MTF1: variants seen among roughly 807,000 people sequenced by gnomAD.
MTF1 encodes metal regulatory transcription factor 1, also known as MRE-binding transcription factor.
Under a neutral mutation model 70.4 loss-of-function variants are expected in MTF1, and 22 were observed. The ratio of observed to expected loss-of-function variants is 0.31; its 90% CI spans 0.22 to 0.45. The LOEUF (loss-of-function observed/expected upper bound fraction) is 0.45. MTF1 is among the 20% of genes least tolerant of loss of function. The pLI is 1.00. For synonymous variants in MTF1, 333 were observed against 352.8 expected (o/e 0.94, Z 0.63); for missense variants, 649 against 922.0 (o/e 0.70, Z 3.83).
intron 7 of MTF1, among the ~76,000 whole-genome samples, chr1:37,824,886 A>G (rs951987383): frequency 6.6e-6 from 1 of 152,174 alleles, no homozygotes; most frequent in Non-Finnish European, 1.5e-5. Flanking sequence ...ATTAAAAACA[A>G]AAAGGTAAAA....
chr1:37,833,318 A>G (rs1641116778), intron 6 of MTF1, among the ~76,000 whole-genome samples: 1 of 152,182 alleles, frequency 6.6e-6, no homozygotes, highest in Non-Finnish European at 1.5e-5. Flanking sequence ...CAGAAGACAA[A>G]TCCAGTGCTT....
At position 37,814,941 on chromosome 1, in the gene MTF1, T is replaced by G. The variant is rs1640791963; in HGVS notation, c.*195A>C. The G allele has an allele frequency of 3.6e-6, 2 of 561,328 alleles. No individual in the cohort carries two copies. Among genetic ancestry groups the G allele is most frequent in the Non-Finnish European group, 6.2e-6 (2 of 323,442 alleles). 34.8% of individuals were successfully genotyped at this position (561,328 alleles called of 1,614,324 possible). On this transcript the variant is annotated 3_prime_UTR_variant, in exon 11 of 11. Transcript: ENST00000373036. Reference sequence around the variant, plus strand: ...TAGCTTTTTTTGTTGTTTTTTTTGTTTTTTGTTTTTTTCCAAAGAATAGTT... The same window carrying G: ...TAGCTTTTTTTGTTGTTTTTTTTGTGTTTTGTTTTTTTCCAAAGAATAGTT...
At chr1:37,834,826 G>A (rs112205044) in intron 6 of MTF1, among the ~76,000 whole-genome samples, 2 of 152,314 alleles carry the variant, frequency 1.3e-5, no homozygotes, top group African/African-American at 2.4e-5. Flanking sequence ...AACCAGAGCC[G>A]CCATTTACCA....
At chr1:37,838,525 T>G (rs749467503) in intron 4 of MTF1, 100 bp downstream of exon 4, 122 of 1,006,838 alleles carry the variant, frequency 1.2e-4, no homozygotes, top group Admixed American at 2.6e-4. Context: ...AATCAAGAGC[T>G]AGTAAAGGGA....
chr1:37,826,745 G>A (rs1172253861), intron 7 of MTF1, among the ~76,000 whole-genome samples: 2 of 152,044 alleles, frequency 1.3e-5, no homozygotes, highest in Admixed American at 6.6e-5. Flanking sequence ...GTGTGGGGCC[G>A]AGGCAGGCAG....
chr1:37,829,124 CT>C (rs34618286), intron 7 of MTF1, among the ~76,000 whole-genome samples: 71,513 of 146,494 alleles, frequency 0.49, 18,321 homozygotes, highest in Non-Finnish European at 0.58. Flanking sequence ...TCTTTTTTTT[CT>C]TTTTTTTTTT....
At position 37,817,493 on chromosome 1, in the gene MTF1, A is replaced by C; in HGVS notation, c.1768-11T>G. 1 of 1,604,136 alleles carries C rather than the reference A, an allele frequency of 6.2e-7. No homozygotes were observed. The highest frequency in any genetic ancestry group is 8.5e-7 in the Non-Finnish European group (1 of 1,171,006). ...TTTAGATGCTTGCTGCTGAAAAAAG[A>C]AAAAGAAATCTCATTTATAGCCACT... On this transcript the variant is annotated splice_polypyrimidine_tract_variant and intron_variant, in intron 9 of 10. Transcript: ENST00000373036.
chr1:37,817,320 A>G (rs1455726716), intron 10 of MTF1, 99 bp downstream of exon 10: 2 of 776,168 alleles, frequency 2.6e-6, no homozygotes, highest in African/African-American at 1.7e-5. Flanking sequence ...CTGTTTAAAG[A>G]TTTTTAAAGT....
At chr1:37,838,844 GC>G in intron 3 of MTF1, 88 bp from the exon 4 acceptor site, 1 of 1,020,554 alleles carries the variant, frequency 9.8e-7, no homozygotes, top group Non-Finnish European at 1.3e-6. Flanking sequence ...CGCTCTTGTC[GC>G]CCAGGCTGGA....
chr1:37,834,700 A>T (rs963906299), intron 6 of MTF1: 5 of 465,422 alleles, frequency 1.1e-5, no homozygotes, highest in Admixed American at 2.3e-5. Context: ...AGAAGAAGTG[A>T]TGGGATTCTA....
intron 7 of MTF1, among the ~76,000 whole-genome samples, chr1:37,829,598 T>C (rs1641055381): frequency 6.6e-6 from 1 of 151,986 alleles, no homozygotes; most frequent in Non-Finnish European, 1.5e-5. Flanking sequence ...CTGGCTAGCA[T>C]GGTGAAACCC....
At chr1:37,832,164 G>A in intron 7 of MTF1, 81 bp downstream of exon 7, 2 of 883,208 alleles carry the variant, frequency 2.3e-6, no homozygotes, top group African/African-American at 1.7e-5. Flanking sequence ...TCAAAGACTG[G>A]CCTGCCTCAA....
chr1:37,851,279 G>C lies in MTF1; in HGVS notation c.408+5972C>G, dbSNP rs144025184. 1.1e-4 allele frequency among the ~76,000 whole-genome samples: 16 copies of C among 152,316 alleles called. No homozygotes were observed. In the East Asian group the frequency reaches 2.9e-3, roughly 28 times the overall value. ...GGATAGCATGGAAAAATGTGGGTGA[G>C]AGGAAAGTGGAGTGAGCTAAATCCC... On this transcript the variant is annotated intron_variant, in intron 2 of 10. Transcript: ENST00000373036.
At chr1:37,856,586 G>T (rs1160935630) in intron 2 of MTF1, among the ~76,000 whole-genome samples, 2 of 146,764 alleles carry the variant, frequency 1.4e-5, no homozygotes, top group African/African-American at 5.1e-5. Context: ...TGCAACCTCT[G>T]CCTCCCGGGT....
chr1:37,821,303 C>G (rs1640906419), intron 9 of MTF1, among the ~76,000 whole-genome samples: 1 of 151,974 alleles, frequency 6.6e-6, no homozygotes, highest in East Asian at 1.9e-4. Flanking sequence ...ATAACTGACA[C>G]ATTGCAGATC....
chr1:37,830,893 C>A (rs973173717), intron 7 of MTF1, among the ~76,000 whole-genome samples: 10 of 152,188 alleles, frequency 6.6e-5, no homozygotes, highest in African/African-American at 2.4e-4. Flanking sequence ...TGGGGCTCCC[C>A]CTTAGTGACT....
chr1:37,815,683 T>C lies in MTF1; in HGVS notation c.1832-117A>G. On this transcript the variant is annotated intron_variant, in intron 10 of 10. Transcript: ENST00000373036. This position sits in a 1 kb window ranked among gnomAD's most constrained non-coding sequence, Gnocchi z 4.5. The stretch of plus-strand genomic sequence containing the variant: ...GCCATGGGAACCATGGGAAGGATGG[T>C]TGCCACACTTCGGGCTTCGTTCTGC... 4 of 766,634 alleles carry C rather than the reference T, an allele frequency of 5.2e-6. No homozygotes were observed. Among genetic ancestry groups the C allele is most frequent in the East Asian group, 2.6e-5 (1 of 39,028 alleles). 47.5% of individuals were successfully genotyped at this position (766,634 alleles called of 1,614,324 possible).
At chr1:37,819,804 T>C (rs997517549) in intron 9 of MTF1, among the ~76,000 whole-genome samples, 1 of 151,948 alleles carries the variant, frequency 6.6e-6, no homozygotes, top group Middle Eastern at 3.4e-3. Context: ...ATACAAAAAT[T>C]AGCCAGGTGT....
chr1:37,841,109 C>T, intron 2 of MTF1: 1 of 166,994 alleles, frequency 6.0e-6, no homozygotes, highest in South Asian at 1.4e-4. Context: ...GGGGTCACCT[C>T]TCGAGGATGA....
Sources: allele counts gnomAD v4.1 joint callset (sites outside exome capture counted in the v4.1 genomes callset), GRCh38; gene constraint gnomAD v4.1.1; non-coding constraint Gnocchi (gnomAD v3.1); transcripts MANE v1.5; gene names NCBI Gene and HGNC (gene_info 2026-07-23, HGNC 2026-07-21).